The following BRDT variants were observed in gnomAD, a reference collection of about 807,000 sequenced individuals.
BRDT encodes bromodomain testis associated.
In BRDT, 77 loss-of-function variants were observed where a neutral mutation model predicts 113.9. The ratio of observed to expected loss-of-function variants is 0.68; its 90% CI spans 0.56 to 0.82. The LOEUF is 0.82. Among genes scored for constraint, BRDT ranks in the 40% least tolerant of loss-of-function variants. The pLI is 0.00. For synonymous variants in BRDT, 358 were observed against 366.5 expected (o/e 0.98, Z 0.26); for missense variants, 1,027 against 1,105.4 (o/e 0.93, Z 1.01).
intron 4 of BRDT, among the ~76,000 whole-genome samples, chr1:91,973,291 T>C (rs943012823): frequency 6.6e-6 from 1 of 152,188 alleles, no homozygotes; most frequent in Non-Finnish European, 1.5e-5. Context: ...ATATGAACTT[T>C]AAAGTAGTTT....
chr1:91,963,469 TTATTA>T (rs1682719628), intron 2 of BRDT, among the ~76,000 whole-genome samples: 1 of 152,256 alleles, frequency 6.6e-6, no homozygotes, highest in African/African-American at 2.4e-5. Flanking sequence ...ACATGTTTTC[TTATTA>T]TAGTATATGT....
chr1:91,989,643 G>A (rs1685591324), intron 12 of BRDT, among the ~76,000 whole-genome samples: 1 of 152,186 alleles, frequency 6.6e-6, no homozygotes, highest in Non-Finnish European at 1.5e-5. Context: ...TTACAGGCAT[G>A]AGCCACCATG....
At chr1:92,009,581 A>C (rs1687623554) in intron 18 of BRDT, among the ~76,000 whole-genome samples, 2 of 102,800 alleles carry the variant, frequency 1.9e-5, no homozygotes, top group African/African-American at 7.5e-5. Context: ...ACACAGTCTC[A>C]CTCTGTTGCC....
At chr1:91,992,465 G>A (rs1208909135) in intron 14 of BRDT, 151 bp downstream of exon 14, 8 of 573,382 alleles carry the variant, frequency 1.4e-5, no homozygotes, top group Non-Finnish European at 2.4e-5. Flanking sequence ...TATGGAAGCT[G>A]AGGGTATTTA....
intron 7 of BRDT, 128 bp from the exon 8 acceptor site, chr1:91,979,441 A>C (rs1684508409): frequency 1.1e-6 from 1 of 905,398 alleles, no homozygotes. Context: ...GTTTCTTCTG[A>C]TATATCTTAA....
chr1:91,966,813 G>A (rs1474575970), intron 3 of BRDT, among the ~76,000 whole-genome samples: 2 of 152,192 alleles, frequency 1.3e-5, no homozygotes. Context: ...GCTCATGCCT[G>A]TAATCCCAGC....
chr1:91,978,779 T>A (rs551363718), intron 7 of BRDT, among the ~76,000 whole-genome samples: 11 of 151,958 alleles, frequency 7.2e-5, no homozygotes, highest in African/African-American at 2.7e-4. Flanking sequence ...GGCGGGTGGA[T>A]CACTAGGTTA....
At chr1:91,979,124 T>C (rs1179681250) in intron 7 of BRDT, among the ~76,000 whole-genome samples, 1 of 151,184 alleles carries the variant, frequency 6.6e-6, no homozygotes, top group African/African-American at 2.4e-5. Context: ...GTCTTTTTTT[T>C]TTTTTTGAGA....
chr1:91,997,880 G>T (rs1054508475), intron 15 of BRDT, among the ~76,000 whole-genome samples: 5 of 152,104 alleles, frequency 3.3e-5, no homozygotes, highest in African/African-American at 1.2e-4. Flanking sequence ...TCTTTTTCTG[G>T]AGTTAAATCT....
intron 1 of BRDT, among the ~76,000 whole-genome samples, chr1:91,953,209 T>C (rs1261224794): frequency 6.6e-6 from 1 of 151,942 alleles, no homozygotes; most frequent in Non-Finnish European, 1.5e-5. Context: ...TGGAGACTGC[T>C]CATTTGATGG....
At chr1:91,976,818 A>T (rs1245292587) in intron 5 of BRDT, among the ~76,000 whole-genome samples, 1 of 152,198 alleles carries the variant, frequency 6.6e-6, no homozygotes, top group Non-Finnish European at 1.5e-5. Context: ...TGCACAAGAC[A>T]TTCTTTGGTA....
intron 15 of BRDT, among the ~76,000 whole-genome samples, chr1:91,995,531 C>T (rs1374994879): frequency 2.6e-5 from 4 of 151,954 alleles, no homozygotes; most frequent in Middle Eastern, 6.8e-3. Flanking sequence ...AATCTTGGCT[C>T]ATTGCAACCT....
chr1:91,962,855 A>G lies in BRDT; in HGVS notation c.101A>G (p.Tyr34Cys), dbSNP rs746497939. The G allele has an allele frequency of 3.2e-5, 51 of 1,613,150 alleles. No individual in the cohort carries two copies. The highest frequency in any genetic ancestry group is 4.2e-5 in the Non-Finnish European group (50 of 1,179,668). The change falls in exon 2 of 19, where the codon TAT (tyrosine) becomes TGT (cysteine). Residue 34 changes from tyrosine (Y) to cysteine (C), a missense_variant. Transcript: ENST00000399546. The stretch of plus-strand genomic sequence containing the variant: ...GGGCGATTGACAAATCAACTTCAGT[A>G]TCTACAAAAAGTTGTCCTAAAGGAT... ...KNGRLTNQLQ[Y>C]LQKVVLKDLW...
At chr1:91,974,184 A>C (rs1314584307) in intron 4 of BRDT, among the ~76,000 whole-genome samples, 1 of 152,238 alleles carries the variant, frequency 6.6e-6, no homozygotes, top group Non-Finnish European at 1.5e-5. Flanking sequence ...TAAAAACCCT[A>C]GAAGAAAACC....
chr1:91,992,897 TG>T (rs750142299), intron 14 of BRDT, among the ~76,000 whole-genome samples: 8 of 150,938 alleles, frequency 5.3e-5, no homozygotes, highest in Non-Finnish European at 8.9e-5. Context: ...GGTGTATTAG[TG>T]GAATAAAAAA....
In BRDT at chr1:92,004,587, A is replaced by G. The variant is rs1687133269; in HGVS notation, c.2562A>G (p.Thr854=). The change falls in exon 17 of 19, where the codon ACA becomes ACG. Residue 854 remains threonine (T), a synonymous_variant. Transcript: ENST00000399546. ...ELIRKHLEQN[T]KELKASQENQ... is the part of the protein sequence containing the mutation. The stretch of plus-strand genomic sequence containing the variant: ...TACGGAAGCATTTGGAACAAAATAC[A>G]AAGGAACTAAAAGCATCTCAAGAAA... 1 of 1,608,204 alleles carries G rather than the reference A, an allele frequency of 6.2e-7. No homozygotes were observed. Among genetic ancestry groups the G allele is most frequent in the South Asian group, 1.1e-5 (1 of 89,388 alleles).
chr1:91,978,420 A>C (rs1468368676), intron 7 of BRDT, 124 bp downstream of exon 7: 2 of 1,076,764 alleles, frequency 1.9e-6, no homozygotes, highest in African/African-American at 3.2e-5. Context: ...AATGGCAAAA[A>C]CCACAATTAC....
chr1:91,964,175 C>T (rs568963280), intron 2 of BRDT, among the ~76,000 whole-genome samples: 2 of 152,286 alleles, frequency 1.3e-5, no homozygotes, highest in African/African-American at 4.8e-5. Context: ...ATTCTCCTGC[C>T]TCAAACTCCT....
At chr1:91,968,333 T>C in intron 4 of BRDT, 73 bp downstream of exon 4, 1 of 1,548,570 alleles carries the variant, frequency 6.5e-7, no homozygotes, top group Non-Finnish European at 8.7e-7. Flanking sequence ...TGTGTGTAAA[T>C]CCCTCAAAGG....
Sources: gnomAD v4.1 joint callset for allele counts (sites outside exome capture counted in the v4.1 genomes callset) on GRCh38, gnomAD v4.1.1 for gene constraint, MANE v1.5 for transcripts, NCBI Gene and HGNC (gene_info 2026-07-23, HGNC 2026-07-21) for gene names.